RGS5: variants seen among roughly 807,000 people sequenced by gnomAD.
RGS5 encodes regulator of G protein signaling 5.
Under a neutral mutation model 18.9 loss-of-function variants are expected in RGS5, and 20 were observed. The ratio of observed to expected loss-of-function variants is 1.06; its 90% CI spans 0.74 to 1.54. The LOEUF (loss-of-function observed/expected upper bound fraction) is 1.54, where lower values mean the gene tolerates loss of function less well. RGS5 is among the 40% of genes most tolerant of loss of function. The pLI, the probability that RGS5 is intolerant of heterozygous loss-of-function variation, is 0.00. For synonymous variants in RGS5, 57 were observed against 76.2 expected, an observed-to-expected ratio of 0.75 and a Z score of 1.31; for missense variants, 201 against 211.8, an observed-to-expected ratio of 0.95 and a Z score of 0.32.
chr1:163,266,569 C>A (rs1648577705), intron 2 of RGS5: 1 of 152,088 alleles, frequency 6.6e-6, no homozygotes, highest in Non-Finnish European at 1.5e-5. Flanking sequence ...CTCAACTCTG[C>A]CTATTTAATG....
chr1:163,148,087 G>A (rs971078643), intron 4 of RGS5, among the ~76,000 whole-genome samples: 12 of 151,540 alleles, frequency 7.9e-5, no homozygotes, highest in Non-Finnish European at 1.6e-4. Flanking sequence ...CCACCACGCC[G>A]GGCTAATTTT....
chr1:163,175,675 A>G (rs1266105934), intron 1 of RGS5, among the ~76,000 whole-genome samples: 1 of 152,242 alleles, frequency 6.6e-6, no homozygotes, highest in Non-Finnish European at 1.5e-5. Context: ...TTTGAACTAC[A>G]GAAAATTCAC....
chr1:163,318,700 T>C (rs1340686139), intron 1 of RGS5: 2 of 150,280 alleles, frequency 1.3e-5, no homozygotes, highest in African/African-American at 4.9e-5. Flanking sequence ...CCAAGAAGCA[T>C]GAGACAGGTA....
At position 163,320,186 on chromosome 1, in the gene RGS5, T is replaced by C. The variant is rs74634492; in HGVS notation, c.-378+1436A>G. On this transcript the variant is annotated intron_variant, in intron 1 of 5. Coordinates refer to the RGS5 transcript ENST00000618415. ...CACATAAATCGCTTGGTTTTTTTTC[T>C]AGATTCTCAACGACAATTTAGACAT... 5.9e-4 allele frequency among the ~76,000 whole-genome samples: 90 copies of C among 152,316 alleles called. No individual in the cohort carries two copies. In the East Asian group the frequency reaches 0.017, roughly 29 times the overall value.
chr1:163,150,278 T>C (rs932459962), intron 4 of RGS5, among the ~76,000 whole-genome samples: 1 of 152,198 alleles, frequency 6.6e-6, no homozygotes, highest in Admixed American at 6.5e-5. Flanking sequence ...GTATTGTTTA[T>C]TTTAAAATTA....
chr1:163,209,132 C>T (rs901380306), intron 1 of RGS5, among the ~76,000 whole-genome samples: 9 of 151,996 alleles, frequency 5.9e-5, no homozygotes, highest in African/African-American at 2.2e-4. Flanking sequence ...TTAACAAAAC[C>T]AAAAAGGCCC....
intron 2 of RGS5, among the ~76,000 whole-genome samples, chr1:163,290,982 T>C (rs1192093860): frequency 1.3e-5 from 2 of 152,142 alleles, no homozygotes; most frequent in Non-Finnish European, 2.9e-5. Context: ...CAGAACAGTT[T>C]AGTCAAACTG....
intron 4 of RGS5, among the ~76,000 whole-genome samples, chr1:163,151,531 G>T (rs1657374896): frequency 6.6e-6 from 1 of 152,084 alleles, no homozygotes; most frequent in African/African-American, 2.4e-5. Flanking sequence ...CATGTCAAGG[G>T]CAGGACCAGG....
At chr1:163,196,756 A>T (rs1659577665) in intron 1 of RGS5, among the ~76,000 whole-genome samples, 1 of 151,952 alleles carries the variant, frequency 6.6e-6, no homozygotes, top group African/African-American at 2.4e-5. Context: ...TTTTCTCCTA[A>T]TCCCCACTCC....
intron 1 of RGS5, among the ~76,000 whole-genome samples, chr1:163,190,259 C>CAAAG (rs1659287280): frequency 6.6e-6 from 1 of 152,110 alleles, no homozygotes; most frequent in East Asian, 1.9e-4. Context: ...TGAGTGCCTC[C>CAAAG]CCGTGACAAC....
At chr1:163,296,335 C>T (rs999370234) in intron 2 of RGS5, among the ~76,000 whole-genome samples, 1 of 152,090 alleles carries the variant, frequency 6.6e-6, no homozygotes, top group African/African-American at 2.4e-5. Context: ...TTTAACTGAC[C>T]CCGAATTCTT....
intron 4 of RGS5, among the ~76,000 whole-genome samples, chr1:163,150,575 T>G (rs1657332301): frequency 6.6e-6 from 1 of 152,078 alleles, no homozygotes; most frequent in African/African-American, 2.4e-5. Flanking sequence ...GTAACAGAAG[T>G]AGGGTAGAGC....
intron 2 of RGS5, among the ~76,000 whole-genome samples, chr1:163,164,655 T>C (rs1471077319): frequency 6.6e-6 from 1 of 152,160 alleles, no homozygotes; most frequent in African/African-American, 2.4e-5. Flanking sequence ...AATAAGTAAA[T>C]GAATGATGGT....
At chr1:163,229,504 C>T (rs60364869) in intron 2 of RGS5, among the ~76,000 whole-genome samples, 31,177 of 152,086 alleles carry the variant, frequency 0.2, 3,334 homozygotes, top group Middle Eastern at 0.28. Context: ...GGAGTAGTAA[C>T]ATTAAAAGTC....
At chr1:163,191,242 A>T (rs1411710104) in intron 1 of RGS5, among the ~76,000 whole-genome samples, 4 of 152,176 alleles carry the variant, frequency 2.6e-5, no homozygotes, top group African/African-American at 9.7e-5. Flanking sequence ...GACTGACGCC[A>T]GTAGCCTTGG....
rs1657111779 is a variant in RGS5 at position 163,145,939 on chromosome 1, A to C, written c.*1403T>G. 1 of 152,112 alleles carries C rather than the reference A, an allele frequency of 6.6e-6. No individual in the cohort carries two copies. Among genetic ancestry groups the C allele is most frequent in the African/African-American group, 2.4e-5 (1 of 41,414 alleles). 9.4% of individuals were successfully genotyped at this position (152,112 alleles called of 1,614,324 possible). ...TTATTAATCCTTTAAAAATCACCCTATTTCTTTTGAGTTAATATCCTCATC... is the reference window on the plus strand; with the variant it reads ...TTATTAATCCTTTAAAAATCACCCTCTTTCTTTTGAGTTAATATCCTCATC... On this transcript the variant is annotated 3_prime_UTR_variant, in exon 5 of 5. Coordinates refer to ENST00000313961, the MANE Select transcript of RGS5 (RefSeq NM_003617.4).
At chr1:163,172,553 C>G in intron 1 of RGS5, 1 of 1,549,622 alleles carries the variant, frequency 6.5e-7, no homozygotes, top group Non-Finnish European at 8.7e-7. Context: ...AGCAGACTAA[C>G]ATACCAGAAC....
intron 2 of RGS5, among the ~76,000 whole-genome samples, chr1:163,224,983 C>A (rs187237068): frequency 7.5e-4 from 114 of 152,146 alleles, no homozygotes; most frequent in African/African-American, 2.7e-3. Flanking sequence ...TAGGTTGTCT[C>A]GTCACTCTGT....
intron 1 of RGS5, among the ~76,000 whole-genome samples, chr1:163,307,632 AAG>A (rs1553228658): frequency 2.0e-5 from 3 of 152,026 alleles, no homozygotes; most frequent in Non-Finnish European, 4.4e-5. Flanking sequence ...ATAAAAAAAA[AAG>A]GAGCTTTAGT....
Sources: allele counts gnomAD v4.1 joint callset (sites outside exome capture counted in the v4.1 genomes callset), GRCh38; gene constraint gnomAD v4.1.1; transcripts MANE v1.5; gene names NCBI Gene and HGNC (gene_info 2026-07-23, HGNC 2026-07-21).